The following HMCN1 variants were observed in gnomAD, a reference collection of about 807,000 sequenced individuals.
The protein encoded by HMCN1 is hemicentin-1.
Under a neutral mutation model 625.9 loss-of-function variants are expected in HMCN1, and 321 were observed. The observed-to-expected ratio is 0.51, with a 90% CI of 0.47 to 0.56. HMCN1 has a LOEUF of 0.56. Ranked by LOEUF, HMCN1 falls within the 20% of genes least tolerant of loss-of-function variation. The pLI is 0.00. For missense variants in HMCN1, 6,588 were observed against 6,887.3 expected (o/e 0.96, Z 1.54); for synonymous variants, 2,425 against 2,417.6 (o/e 1.00, Z -0.09).
chr1:185,756,177 A>G (rs1163524058), intron 1 of HMCN1, among the ~76,000 whole-genome samples: 1 of 152,212 alleles, frequency 6.6e-6, no homozygotes, highest in African/African-American at 2.4e-5. Flanking sequence ...GATTTTTTAC[A>G]GGATAACCAT....
At chr1:185,869,399 T>C (rs879366990) in intron 4 of HMCN1, among the ~76,000 whole-genome samples, 5 of 152,078 alleles carry the variant, frequency 3.3e-5, no homozygotes, top group Admixed American at 1.3e-4. Context: ...TGGCACAGAG[T>C]AGTGCCCAAT....
intron 4 of HMCN1, among the ~76,000 whole-genome samples, chr1:185,883,902 TTTTGC>T (rs1664465153): frequency 6.9e-6 from 1 of 144,804 alleles, no homozygotes; most frequent in African/African-American, 2.7e-5. Flanking sequence ...TTTTTTTTTT[TTTTGC>T]TTTTTAGTAT....
intron 30 of HMCN1, 143 bp downstream of exon 30, chr1:186,007,425 G>A (rs1653716563): frequency 2.7e-6 from 2 of 746,110 alleles, no homozygotes; most frequent in African/African-American, 3.5e-5. Context: ...TTATCTTCAT[G>A]TGTTTTAAAA....
chr1:185,740,722 G>A (rs1305646977), intron 1 of HMCN1, among the ~76,000 whole-genome samples: 4 of 151,886 alleles, frequency 2.6e-5, no homozygotes, highest in South Asian at 2.1e-4. Context: ...CGGGGAGCTC[G>A]GTGGCTCACA....
intron 104 of HMCN1, among the ~76,000 whole-genome samples, chr1:186,179,110 G>A (rs897364720): frequency 1.3e-5 from 2 of 152,092 alleles, no homozygotes; most frequent in African/African-American, 2.4e-5. Flanking sequence ...GCCACATAAC[G>A]TAATGCCATC....
chr1:186,052,932 A>G lies in HMCN1; in HGVS notation c.6578-20A>G. On this transcript the variant is annotated intron_variant, in intron 42 of 106. Coordinates refer to ENST00000271588, the MANE Select transcript of HMCN1 (RefSeq NM_031935.3). ...TCTATATGAAATGAGTGGAAAAATC[A>G]TATTTTTATTTTTTTCTAGTCCCCC... is the stretch of plus-strand genomic sequence containing the variant. 6.3e-7 allele frequency: 1 copy of G among 1,586,868 alleles called. No individual in the cohort carries two copies. Among genetic ancestry groups the G allele is most frequent in the African/African-American group, 1.3e-5 (1 of 74,354 alleles).
At chr1:185,874,449 T>G (rs972517681) in intron 4 of HMCN1, among the ~76,000 whole-genome samples, 1 of 151,886 alleles carries the variant, frequency 6.6e-6, no homozygotes, top group Non-Finnish European at 1.5e-5. Flanking sequence ...GGAAACAGAG[T>G]CCATGCTTCA....
rs746930533 is a variant in HMCN1, at chr1:185,995,097, G to A, written c.3778+10G>A. On this transcript the variant is annotated intron_variant, in intron 24 of 106. Transcript: ENST00000271588. Reference sequence around the variant, plus strand: ...ACGCTACATGTCCAAGGTGATTCTTGACACAGGAAAATATATGTATGTAGG... The same window carrying A: ...ACGCTACATGTCCAAGGTGATTCTTAACACAGGAAAATATATGTATGTAGG... 1.2e-6 allele frequency: 2 copies of A among 1,612,962 alleles called. No individual in the cohort carries two copies. Among genetic ancestry groups the A allele is most frequent in the Non-Finnish European group, 1.7e-6 (2 of 1,179,142 alleles).
In HMCN1 at chr1:185,925,124, A is replaced by G. The variant is rs1182902934; in HGVS notation, c.1363A>G (p.Ser455Gly). ...QPGQIPCSVD[S>G]LLPFTLSFVR... ...GGGCCAAATTCCCTGCTCTGTTGAC[A>G]GTCTTTTGCCCTTTACCTTGAGCTT... The change falls in exon 9 of 107, where the codon AGT becomes GGT. Residue 455 changes from serine to glycine, a missense_variant. This residue lies in a region of HMCN1 where 4,628 missense variants were observed against 4,853.1 expected (regional missense o/e 0.95). Coordinates refer to ENST00000271588, the MANE Select transcript of HMCN1 (RefSeq NM_031935.3). 7.4e-6 allele frequency: 12 copies of G among 1,613,834 alleles called. No individual in the cohort carries two copies. The highest frequency in any genetic ancestry group is 1.0e-5 in the Non-Finnish European group (12 of 1,179,848).
chr1:185,785,240 T>G (rs1657480351), intron 1 of HMCN1, among the ~76,000 whole-genome samples: 1 of 152,162 alleles, frequency 6.6e-6, no homozygotes, highest in African/African-American at 2.4e-5. Flanking sequence ...TTAAAGTAAA[T>G]TGATGACATT....
chr1:186,103,354 T>C, intron 68 of HMCN1, 118 bp from the exon 69 acceptor site: 2 of 811,034 alleles, frequency 2.5e-6, no homozygotes, highest in Non-Finnish European at 4.1e-6. Context: ...TCACTTTCCT[T>C]GTTCTAATCA....
At chr1:186,094,517 A>C (rs1301073923) in intron 67 of HMCN1, 144 bp downstream of exon 67, 2 of 708,290 alleles carry the variant, frequency 2.8e-6, no homozygotes, top group Non-Finnish European at 5.1e-6. Flanking sequence ...CTGACTAGAG[A>C]ATGTATTTTC....
In HMCN1 at chr1:185,770,047, A is replaced by G. The variant is rs528673817; in HGVS notation, c.268+35000A>G. On this transcript the variant is annotated intron_variant, in intron 1 of 106. Transcript: ENST00000271588. ...GATAGGAGGCAAAGTTACATTTCAG[A>G]GGGTATGCATATAGACAGTTCCAGC... Among the ~76,000 whole-genome samples, 16 of 152,292 alleles carry G rather than the reference A, an allele frequency of 1.1e-4. 1 individual carries two copies. The highest frequency in any genetic ancestry group is 7.8e-4 in the Admixed American group (12 of 15,288).
At chr1:186,150,093 A>G (rs940337435) in intron 93 of HMCN1, among the ~76,000 whole-genome samples, 3 of 151,978 alleles carry the variant, frequency 2.0e-5, no homozygotes, top group African/African-American at 7.3e-5. Context: ...TGGTACCGGT[A>G]GACTTTCTCA....
chr1:185,945,751 A>G (rs2102520281), intron 11 of HMCN1, among the ~76,000 whole-genome samples: 1 of 152,306 alleles, frequency 6.6e-6, no homozygotes, highest in African/African-American at 2.4e-5. Context: ...GCAAAGCAAC[A>G]AAAGAATGAG....
At position 186,019,553 on chromosome 1, in the gene HMCN1, T is replaced by C. The variant is rs760218765; in HGVS notation, c.5483T>C (p.Ile1828Thr). The change falls in exon 35 of 107, where the codon ATC becomes ACC. Residue 1828 changes from isoleucine to threonine, a missense_variant. Ile to Thr is a moderately conservative substitution (Grantham distance 89). Coordinates refer to ENST00000271588, the MANE Select transcript of HMCN1 (RefSeq NM_031935.3). ...FEVTVHVPPT[I>T]KSSGLSERVV... ...TCCTTAAATATAGTTCCTCCAACAA[T>C]CAAGTCCTCAGGCCTTTCTGAGAGA... The C allele has an allele frequency of 6.2e-7, 1 of 1,609,916 alleles. No individual in the cohort carries two copies. Among genetic ancestry groups the C allele is most frequent in the South Asian group, 1.1e-5 (1 of 91,002 alleles).
Position 185,994,919 on chromosome 1 carries a change from T to G in HMCN1, c.3610T>G (p.Trp1204Gly). The change falls in exon 24 of 107, where the codon TGG becomes GGG. Residue 1204 changes from tryptophan (W) to glycine (G), a missense_variant. Physicochemically the swap from Trp to Gly is radical, Grantham distance 184. This residue lies in a region of HMCN1 where 4,628 missense variants were observed against 4,853.1 expected (regional missense o/e 0.95). Coordinates refer to ENST00000271588, the MANE Select transcript of HMCN1 (RefSeq NM_031935.3). ...AQGTPLPVIT[W>G]SKGGSTMLVD... ...AGGGACTCCTCTTCCTGTAATCACC[T>G]GGTCCAAAGGTGGAAGCACTATGCT... 1 of 1,613,920 alleles carries G rather than the reference T, an allele frequency of 6.2e-7. No homozygotes were observed. Among genetic ancestry groups the G allele is most frequent in the Non-Finnish European group, 8.5e-7 (1 of 1,179,846 alleles).
intron 1 of HMCN1, among the ~76,000 whole-genome samples, chr1:185,829,936 A>G (rs997625221): frequency 2.0e-5 from 3 of 152,128 alleles, no homozygotes; most frequent in African/African-American, 7.2e-5. Context: ...AATAATCACC[A>G]TTCTGACTGG....
intron 86 of HMCN1, among the ~76,000 whole-genome samples, chr1:186,134,949 T>C (rs1649503372): frequency 6.6e-6 from 1 of 152,208 alleles, no homozygotes; most frequent in Non-Finnish European, 1.5e-5. Context: ...ATGCTGTTAC[T>C]CTTCAGGGTG....
Sources: allele counts gnomAD v4.1 joint callset (sites outside exome capture counted in the v4.1 genomes callset), GRCh38; gene constraint gnomAD v4.1.1; regional missense constraint gnomAD v4.1.1; transcripts MANE v1.5; gene names NCBI Gene and HGNC (gene_info 2026-07-23, HGNC 2026-07-21).